The following HS3ST5 variants were observed in gnomAD, a reference collection of about 807,000 sequenced individuals.
HS3ST5 encodes the protein heparan sulfate-glucosamine 3-sulfotransferase 5.
HS3ST5 carries 10 observed loss-of-function variants against 25.4 expected under a neutral mutation model. The ratio of observed to expected loss-of-function variants is 0.39; its 90% CI spans 0.24 to 0.67. The LOEUF (loss-of-function observed/expected upper bound fraction) is 0.67. Ranked by LOEUF, HS3ST5 falls within the 30% of genes least tolerant of loss-of-function variation. The pLI is 0.44. For synonymous variants in HS3ST5, 170 were observed against 162.4 expected (o/e 1.05, Z -0.36); for missense variants, 324 against 420.7 (o/e 0.77, Z 2.01).
intron 1 of HS3ST5, among the ~76,000 whole-genome samples, chr6:114,287,912 T>C (rs976220817): frequency 6.6e-6 from 1 of 152,094 alleles, no homozygotes; most frequent in East Asian, 1.9e-4. Flanking sequence ...CAGCATCTTA[T>C]CTTCTACCAC....
At chr6:114,208,437 C>T (rs1781372771) in intron 2 of HS3ST5, among the ~76,000 whole-genome samples, 1 of 151,974 alleles carries the variant, frequency 6.6e-6, no homozygotes, top group Non-Finnish European at 1.5e-5. Context: ...TGTCCCTTGA[C>T]CCTGAGTACT....
intron 1 of HS3ST5, among the ~76,000 whole-genome samples, chr6:114,278,210 C>T (rs1376705717): frequency 6.6e-6 from 1 of 151,978 alleles, no homozygotes; most frequent in Non-Finnish European, 1.5e-5. Context: ...CATAAATGAA[C>T]ACCATGCTGT....
intron 1 of HS3ST5, among the ~76,000 whole-genome samples, chr6:114,289,572 G>A (rs1774483372): frequency 6.6e-6 from 1 of 152,058 alleles, no homozygotes; most frequent in Non-Finnish European, 1.5e-5. Context: ...CATTCCAAGA[G>A]GTTGGTTTCC....
In HS3ST5 at chr6:114,242,045, G is replaced by A. The variant is rs561183924; in HGVS notation, c.-338-13267C>T. ...CTGTACTATCCATAGGGCAAGTGTC[G>A]GGTATCTTCAGCACCAAATTCAATT... On this transcript the variant is annotated intron_variant, in intron 1 of 4. Transcript: ENST00000312719. 2.2e-4 allele frequency among the ~76,000 whole-genome samples: 33 copies of A among 152,100 alleles called. No homozygotes were observed. In the East Asian group the frequency reaches 2.7e-3, roughly 12 times the overall value.
intron 3 of HS3ST5, among the ~76,000 whole-genome samples, chr6:114,162,203 G>A (rs1779007384): frequency 6.6e-6 from 1 of 152,098 alleles, no homozygotes; most frequent in Non-Finnish European, 1.5e-5. Context: ...TCGAGTAAAA[G>A]CAACATCTTC....
chr6:114,339,796 G>A (rs9481440), intron 1 of HS3ST5, among the ~76,000 whole-genome samples: 12,474 of 152,120 alleles, frequency 0.082, 1,618 homozygotes, highest in African/African-American at 0.28. Flanking sequence ...GGTGGGATAA[G>A]GATAATTGTA....
intron 3 of HS3ST5, among the ~76,000 whole-genome samples, chr6:114,104,989 G>T (rs1775920287): frequency 6.6e-6 from 1 of 152,002 alleles, no homozygotes; most frequent in Admixed American, 6.6e-5. Flanking sequence ...AAAAAAGTTT[G>T]TGCTAATGAC....
intron 2 of HS3ST5, among the ~76,000 whole-genome samples, chr6:114,215,832 C>G (rs1366325638): frequency 1.3e-5 from 2 of 152,172 alleles, no homozygotes; most frequent in Admixed American, 1.3e-4. Context: ...TGCATCTGTA[C>G]TTTTCACCTC....
At chr6:114,193,525 C>A (rs1780601250) in intron 2 of HS3ST5, among the ~76,000 whole-genome samples, 1 of 152,160 alleles carries the variant, frequency 6.6e-6, no homozygotes, top group South Asian at 2.1e-4. Flanking sequence ...ACTTTGGCAT[C>A]ATTCTCCCTG....
intron 1 of HS3ST5, among the ~76,000 whole-genome samples, chr6:114,341,256 A>AGAGAGAGAGAGT (rs1156410450): frequency 6.7e-6 from 1 of 149,504 alleles, no homozygotes; most frequent in Non-Finnish European, 1.5e-5. Flanking sequence ...AGAGAGAGAG[A>AGAGAGAGAGAGT]GAGAGTGAGT....
intron 1 of HS3ST5, among the ~76,000 whole-genome samples, chr6:114,252,155 TA>T (rs35335651): frequency 6.0e-4 from 89 of 149,468 alleles, no homozygotes; most frequent in Admixed American, 1.1e-3. Flanking sequence ...CAGGCTCATC[TA>T]AAAAAAAAAA....
At chr6:114,311,248 C>G (rs1775517805) in intron 1 of HS3ST5, among the ~76,000 whole-genome samples, 1 of 151,500 alleles carries the variant, frequency 6.6e-6, no homozygotes, top group African/African-American at 2.4e-5. Flanking sequence ...CCTTCATTTA[C>G]TAAGATATAG....
intron 1 of HS3ST5, among the ~76,000 whole-genome samples, chr6:114,241,901 C>A (rs1028007822): frequency 3.3e-5 from 5 of 152,112 alleles, no homozygotes; most frequent in African/African-American, 1.2e-4. Context: ...AATGACTATG[C>A]AATTTAAATT....
chr6:114,111,792 A>T (rs1188509020), intron 3 of HS3ST5, among the ~76,000 whole-genome samples: 1 of 152,106 alleles, frequency 6.6e-6, no homozygotes, highest in Admixed American at 6.5e-5. Context: ...TGGGTTTTTC[A>T]GTTTCAAAAC....
intron 3 of HS3ST5, among the ~76,000 whole-genome samples, chr6:114,115,714 TTTTTA>T (rs1293764489): frequency 6.6e-6 from 1 of 152,126 alleles, no homozygotes; most frequent in Non-Finnish European, 1.5e-5. Context: ...GTTCTCTTTC[TTTTTA>T]TTTTTTGTTT....
intron 3 of HS3ST5, among the ~76,000 whole-genome samples, chr6:114,121,579 T>C (rs1012782118): frequency 6.6e-6 from 1 of 152,164 alleles, no homozygotes; most frequent in Non-Finnish European, 1.5e-5. Flanking sequence ...TAAAATTTTC[T>C]TTTTATAAAA....
intron 1 of HS3ST5, among the ~76,000 whole-genome samples, chr6:114,270,660 C>G (rs534094935): frequency 6.6e-6 from 1 of 152,226 alleles, no homozygotes; most frequent in Admixed American, 6.5e-5. Context: ...GCACACTTAG[C>G]CTCTCTAGGA....
At chr6:114,147,641 C>A (rs1182783310) in intron 3 of HS3ST5, among the ~76,000 whole-genome samples, 1 of 152,150 alleles carries the variant, frequency 6.6e-6, no homozygotes, top group East Asian at 1.9e-4. Flanking sequence ...AGTACAGTGG[C>A]ACAATCTCAG....
intron 1 of HS3ST5, among the ~76,000 whole-genome samples, chr6:114,338,319 A>G (rs1776690728): frequency 6.6e-6 from 1 of 151,654 alleles, no homozygotes; most frequent in African/African-American, 2.4e-5. Context: ...GTGTATATAT[A>G]TACATACATA....
Sources: gnomAD v4.1 joint callset for allele counts (sites outside exome capture counted in the v4.1 genomes callset) on GRCh38, gnomAD v4.1.1 for gene constraint, MANE v1.5 for transcripts, NCBI Gene and HGNC (gene_info 2026-07-23, HGNC 2026-07-21) for gene names.